DCTN2: variants seen among roughly 807,000 people sequenced by gnomAD.
DCTN2 encodes dynactin subunit 2, also known as 50 kDa dynein-associated polypeptide.
A neutral mutation model predicts 55.4 loss-of-function variants in DCTN2; 18 were observed. That is an observed-to-expected ratio of 0.32 (90% CI 0.22 to 0.48). The LOEUF is 0.48. Ranked by LOEUF, DCTN2 falls within the 20% of genes least tolerant of loss-of-function variation. DCTN2 has a pLI of 0.99. For missense variants in DCTN2, 390 were observed against 491.0 expected, an observed-to-expected ratio of 0.79 and a Z score of 1.94; for synonymous variants, 168 against 185.2, an observed-to-expected ratio of 0.91 and a Z score of 0.76.
At position 57,532,307 on chromosome 12, in the gene DCTN2, C is replaced by T. The variant is rs1413127429; in HGVS notation, c.933G>A (p.Gln311=). The T allele has an allele frequency of 1.3e-6, 2 of 1,559,078 alleles. No individual in the cohort carries two copies. Among genetic ancestry groups the T allele is most frequent in the Admixed American group, 3.8e-5 (2 of 51,998 alleles). The change falls in exon 12 of 14, where the codon CAG becomes CAA. Residue 311 remains glutamine (Q), a synonymous_variant. Coordinates refer to ENST00000548249, the MANE Select transcript of DCTN2 (RefSeq NM_001261413.2). Reference sequence around the variant, plus strand: ...TCCAGCGCTGTATAGTTTCATATAGCTGGTGCACCTGAAGGGACACAATGG... The same window carrying T: ...TCCAGCGCTGTATAGTTTCATATAGTTGGTGCACCTGAAGGGACACAATGG... The part of the protein sequence containing the change: ...EDADTQSKVH[Q]LYETIQRWSP...
chr12:57,538,366 G>T (rs1473051907), intron 2 of DCTN2: 2 of 669,218 alleles, frequency 3.0e-6, no homozygotes, highest in East Asian at 5.7e-5. Context: ...TGAGTTGGGG[G>T]CAGTATAATT....
chr12:57,534,456 G>A lies in DCTN2; in HGVS notation c.364-4C>T. On this transcript the variant is annotated splice_polypyrimidine_tract_variant and splice_region_variant and intron_variant, in intron 5 of 13. Transcript: ENST00000548249. The stretch of plus-strand genomic sequence containing the variant: ...TGGCTGACTCCTTCACTGTCGTCTA[G>A]TATGAAAAAAGGTAGAAATCGGGGG... 1 of 1,574,924 alleles carries A rather than the reference G, an allele frequency of 6.3e-7. No individual in the cohort carries two copies. The highest frequency in any genetic ancestry group is 8.6e-7 in the Non-Finnish European group (1 of 1,157,868).
chr12:57,547,003 G>A, intron 1 of DCTN2, 25 bp downstream of exon 1: 1 of 1,290,022 alleles, frequency 7.8e-7, no homozygotes, highest in Non-Finnish European at 9.9e-7. Context: ...CGGTCCTGGG[G>A]AGCCGGGGCC....
At position 57,541,516 on chromosome 12, in the gene DCTN2, T is replaced by A. The variant is rs1048289562; in HGVS notation, c.105+4512A>T. 44 of 802,780 alleles carry A rather than the reference T, an allele frequency of 5.5e-5. No individual in the cohort carries two copies. The Admixed American group carries it at 1.1e-3, about 20-fold the overall frequency. 49.7% of individuals were successfully genotyped at this position (802,780 alleles called of 1,614,324 possible). A position where few individuals can be genotyped will look rare whatever the true frequency, so the allele number is the denominator to read the frequency against. The stretch of plus-strand genomic sequence containing the variant: ...AACTGTAAGGAAGTACTGTTTCTCA[T>A]CTCAGGAGTGTCCAGTAATATCTAC... On this transcript the variant is annotated intron_variant, in intron 2 of 13. Transcript: ENST00000548249.
intron 2 of DCTN2, chr12:57,541,318 G>A: frequency 1.3e-6 from 2 of 1,594,570 alleles, no homozygotes; most frequent in East Asian, 2.2e-5. Flanking sequence ...CATGCGAGAT[G>A]GCAGATGAAA....
At chr12:57,537,756 C>T (rs1343881306) in intron 2 of DCTN2, among the ~76,000 whole-genome samples, 2 of 152,190 alleles carry the variant, frequency 1.3e-5, no homozygotes, top group South Asian at 2.1e-4. Flanking sequence ...TGCAAGTGCC[C>T]GGGGGGAGAG....
At chr12:57,543,867 C>A (rs1357353166) in intron 2 of DCTN2, 1 of 1,266,042 alleles carries the variant, frequency 7.9e-7, no homozygotes, top group South Asian at 1.2e-5. Flanking sequence ...CCTCATCAGC[C>A]ACCCCACTAG....
chr12:57,543,058 A>G, intron 2 of DCTN2: 1 of 454,134 alleles, frequency 2.2e-6, no homozygotes, highest in Non-Finnish European at 4.4e-6. Flanking sequence ...GGGGTTAAGA[A>G]GGTGACTGAG....
At position 57,532,180 on chromosome 12, in the gene DCTN2, T is replaced by C. The variant is rs143168881; in HGVS notation, c.1027+33A>G. ...GACCAAAAGTTGCCCATTTTTCAAC[T>C]TCTCTTAGCACTCCTGGCAGCTGGC... On this transcript the variant is annotated intron_variant, in intron 12 of 13. Coordinates refer to ENST00000548249, the MANE Select transcript of DCTN2 (RefSeq NM_001261413.2). 638 of 1,552,220 alleles carry C rather than the reference T, an allele frequency of 4.1e-4. 6 individuals are homozygous for C. The East Asian group carries it at 0.015, about 37-fold the overall frequency.
rs1337045892 is a variant in DCTN2, at chr12:57,533,391, C to G, written c.670-88G>C. 3.4e-6 allele frequency: 4 copies of G among 1,173,726 alleles called. No homozygotes were observed. In the African/African-American group the frequency reaches 6.0e-5, roughly 18 times the overall value. The allele number at this position is 1,173,726 out of a possible 1,614,324, so 72.7% of individuals were successfully genotyped here. A position where few individuals can be genotyped will look rare whatever the true frequency, so the allele number is the denominator to read the frequency against. ...CGATCCTGCTCTACTCTGCCTGCCA[C>G]TCACCACCCCAAGGGATTCCTTTCC... On this transcript the variant is annotated intron_variant, in intron 7 of 13. Coordinates refer to ENST00000548249, the MANE Select transcript of DCTN2 (RefSeq NM_001261413.2).
At chr12:57,531,271 C>T (rs1480202995) in intron 13 of DCTN2, among the ~76,000 whole-genome samples, 4 of 152,074 alleles carry the variant, frequency 2.6e-5, no homozygotes, top group Non-Finnish European at 4.4e-5. Context: ...CCTGTAATCT[C>T]AGCACTTTGG....
At chr12:57,544,223 C>T in intron 2 of DCTN2, 1 of 390,196 alleles carries the variant, frequency 2.6e-6, no homozygotes, top group South Asian at 1.8e-5. Context: ...CCAGGACCTC[C>T]CTTGATACCA....
At chr12:57,539,882 C>T (rs575477352) in intron 2 of DCTN2, among the ~76,000 whole-genome samples, 1 of 152,114 alleles carries the variant, frequency 6.6e-6, no homozygotes, top group South Asian at 2.1e-4. Flanking sequence ...CAAAATTAGC[C>T]AGGCATGGTG....
At chr12:57,533,413 TTCCC>T in intron 7 of DCTN2, 110 bp from the exon 8 acceptor site, 1 of 941,004 alleles carries the variant, frequency 1.1e-6, no homozygotes, top group Non-Finnish European at 1.7e-6. Context: ...AGGGATTCCT[TTCCC>T]TGGAATACAT....
chr12:57,531,952 C>T, intron 13 of DCTN2, 63 bp downstream of exon 13: 1 of 1,550,876 alleles, frequency 6.4e-7, no homozygotes, highest in Non-Finnish European at 8.7e-7. Flanking sequence ...AACCCTATAA[C>T]ACTGGAGAAC....
rs959543748 is a variant in DCTN2, at chr12:57,546,019, C to G, written c.105+9G>C. 6.2e-7 allele frequency: 1 copy of G among 1,613,594 alleles called. No homozygotes were observed. The highest frequency in any genetic ancestry group is 8.5e-7 in the Non-Finnish European group (1 of 1,179,776). Reference sequence around the variant, plus strand: ...GTCCGGAGGAGTCTGTGGCAGCACACATTCTTACCGCATCGAACTCCGCTT... The same window carrying G: ...GTCCGGAGGAGTCTGTGGCAGCACAGATTCTTACCGCATCGAACTCCGCTT... On this transcript the variant is annotated intron_variant, in intron 2 of 13. Coordinates refer to ENST00000548249, the MANE Select transcript of DCTN2 (RefSeq NM_001261413.2).
chr12:57,534,596 C>G, intron 5 of DCTN2, 144 bp from the exon 6 acceptor site: 1 of 725,314 alleles, frequency 1.4e-6, no homozygotes. Context: ...GTATGTAGCA[C>G]TGCATACAGA....
rs751278169 is a variant in DCTN2 at position 57,546,016 on chromosome 12, A to G, written c.105+12T>C. 1.2e-6 allele frequency: 2 copies of G among 1,613,470 alleles called. No homozygotes were observed. The highest frequency in any genetic ancestry group is 2.2e-5 in the South Asian group (2 of 91,064). ...AGAGTCCGGAGGAGTCTGTGGCAGCACACATTCTTACCGCATCGAACTCCG... is the reference window on the plus strand; with the variant it reads ...AGAGTCCGGAGGAGTCTGTGGCAGCGCACATTCTTACCGCATCGAACTCCG... On this transcript the variant is annotated intron_variant, in intron 2 of 13. Coordinates refer to ENST00000548249, the MANE Select transcript of DCTN2 (RefSeq NM_001261413.2).
At chr12:57,543,552 G>A (rs933476737) in intron 2 of DCTN2, among the ~76,000 whole-genome samples, 10 of 152,020 alleles carry the variant, frequency 6.6e-5, no homozygotes, top group Admixed American at 5.3e-4. Flanking sequence ...GCATATTTAC[G>A]TCAGTATTAA....
Sources: gnomAD v4.1 joint callset for allele counts (sites outside exome capture counted in the v4.1 genomes callset) on GRCh38, gnomAD v4.1.1 for gene constraint, MANE v1.5 for transcripts, NCBI Gene and HGNC (gene_info 2026-07-23, HGNC 2026-07-21) for gene names.